The following PLEKHA5 variants were observed in gnomAD, a reference collection of about 807,000 sequenced individuals.
PLEKHA5 encodes pleckstrin homology domain-containing family A member 5.
Under a neutral mutation model 181.9 loss-of-function variants are expected in PLEKHA5, and 55 were observed. The observed-to-expected ratio is 0.30, with a 90% CI of 0.24 to 0.38. PLEKHA5 has a LOEUF of 0.38. PLEKHA5 is among the 10% of genes least tolerant of loss of function. The pLI, the probability that PLEKHA5 is intolerant of heterozygous loss-of-function variation, is 1.00. For missense variants in PLEKHA5, 1,432 were observed against 1,549.5 expected (o/e 0.92, Z 1.27); for synonymous variants, 535 against 529.4 (o/e 1.01, Z -0.15).
chr12:19,309,454 A>G (rs377477443), intron 15 of PLEKHA5, among the ~76,000 whole-genome samples: 1 of 152,044 alleles, frequency 6.6e-6, no homozygotes, highest in Non-Finnish European at 1.5e-5. Flanking sequence ...TGACCTTCAT[A>G]TGCTTTTAAA....
At chr12:19,133,650 G>A (rs983065577) in intron 3 of PLEKHA5, among the ~76,000 whole-genome samples, 3 of 151,844 alleles carry the variant, frequency 2.0e-5, no homozygotes, top group African/African-American at 4.8e-5. Flanking sequence ...TAGATAAAAC[G>A]TCAAGGGCTT....
chr12:19,310,466 T>C (rs2086054117), intron 15 of PLEKHA5, among the ~76,000 whole-genome samples: 1 of 151,804 alleles, frequency 6.6e-6, no homozygotes, highest in African/African-American at 2.4e-5. Flanking sequence ...AAAAATTAGC[T>C]GAGTGTGGTG....
chr12:19,271,530 C>A (rs1036177487), intron 10 of PLEKHA5, among the ~76,000 whole-genome samples: 1 of 152,002 alleles, frequency 6.6e-6, no homozygotes, highest in Non-Finnish European at 1.5e-5. Context: ...AACTTCAATA[C>A]TTTTAACTTC....
intron 3 of PLEKHA5, among the ~76,000 whole-genome samples, chr12:19,193,312 A>G (rs1216527380): frequency 6.6e-6 from 1 of 152,216 alleles, no homozygotes; most frequent in Non-Finnish European, 1.5e-5. Context: ...AAGATAATTT[A>G]TGAGCTTTCA....
intron 15 of PLEKHA5, chr12:19,306,429 G>A (rs1723170637): frequency 1.7e-6 from 1 of 583,694 alleles, no homozygotes; most frequent in African/African-American, 1.9e-5. Context: ...GACGGCGACT[G>A]GAGCAGCAGA....
At chr12:19,132,140 T>C (rs1051329472) in intron 2 of PLEKHA5, among the ~76,000 whole-genome samples, 22 of 152,184 alleles carry the variant, frequency 1.4e-4, no homozygotes, top group African/African-American at 5.3e-4. Context: ...ATAGTTCCTC[T>C]CCACCCTAAT....
At chr12:19,363,289 C>G (rs1334472914) in intron 29 of PLEKHA5, among the ~76,000 whole-genome samples, 1 of 150,536 alleles carries the variant, frequency 6.6e-6, no homozygotes, top group African/African-American at 2.4e-5. Context: ...GTAGCTCAGA[C>G]TACAGGCGCG....
intron 3 of PLEKHA5, among the ~76,000 whole-genome samples, chr12:19,244,212 G>A (rs1439482254): frequency 6.6e-6 from 1 of 151,224 alleles, no homozygotes; most frequent in Non-Finnish European, 1.5e-5. Context: ...TTCTATTGAT[G>A]AAATCTCTTC....
At chr12:19,338,338 G>A (rs538566456) in intron 21 of PLEKHA5, among the ~76,000 whole-genome samples, 8 of 152,098 alleles carry the variant, frequency 5.3e-5, no homozygotes, top group African/African-American at 7.2e-5. Context: ...TTCTGGGATC[G>A]GCTGGACACA....
chr12:19,223,875 A>T lies in PLEKHA5; in HGVS notation c.228-30065A>T, dbSNP rs114773965. Among the ~76,000 whole-genome samples the T allele has an allele frequency of 2.7e-3, 407 of 152,292 alleles. 3 individuals are homozygous for T. The highest frequency in any genetic ancestry group is 9.2e-3 in the African/African-American group (384 of 41,562). On this transcript the variant is annotated intron_variant, in intron 3 of 31. Coordinates refer to ENST00000429027, the MANE Select transcript of PLEKHA5 (RefSeq NM_001256470.2). The stretch of plus-strand genomic sequence containing the variant: ...ACTCCAAAGTTGTTTGGCTTCCAGG[A>T]TAGCCAGGGATCTTGTTTCTTATTT...
chr12:19,251,807 T>TA (rs2065401054), intron 3 of PLEKHA5, among the ~76,000 whole-genome samples: 2 of 121,730 alleles, frequency 1.6e-5, no homozygotes, highest in Non-Finnish European at 3.5e-5. Context: ...GATAAAAACA[T>TA]ACAATTTGTA....
intron 3 of PLEKHA5, among the ~76,000 whole-genome samples, chr12:19,146,426 T>G (rs2038929913): frequency 1.3e-5 from 2 of 152,222 alleles, no homozygotes; most frequent in Admixed American, 1.3e-4. Flanking sequence ...GTATTTTTGA[T>G]ATCTAGGCCA....
intron 16 of PLEKHA5, among the ~76,000 whole-genome samples, chr12:19,315,893 C>T (rs904621029): frequency 6.6e-6 from 1 of 152,070 alleles, no homozygotes; most frequent in East Asian, 1.9e-4. Flanking sequence ...TATATTTCAG[C>T]ACAGTTTTCA....
At chr12:19,182,340 T>A (rs1326459117) in intron 3 of PLEKHA5, among the ~76,000 whole-genome samples, 1 of 152,206 alleles carries the variant, frequency 6.6e-6, no homozygotes, top group Non-Finnish European at 1.5e-5. Flanking sequence ...TTTGATGTTT[T>A]GATTGTGCTG....
At chr12:19,136,535 T>A (rs999542859) in intron 3 of PLEKHA5, among the ~76,000 whole-genome samples, 1 of 152,202 alleles carries the variant, frequency 6.6e-6, no homozygotes, top group African/African-American at 2.4e-5. Flanking sequence ...TATTGCTTAA[T>A]GATTCTGTAA....
In PLEKHA5 at chr12:19,265,730, G is replaced by C. The variant is rs1227844203; in HGVS notation, c.611-20G>C. 1 of 1,292,174 alleles carries C rather than the reference G, an allele frequency of 7.7e-7. No homozygotes were observed. The highest frequency in any genetic ancestry group is 1.5e-5 in the African/African-American group (1 of 67,632). The allele number at this position is 1,292,174 out of a possible 1,614,324, so 80.0% of individuals were successfully genotyped here. ...ATAAGAACATTTAAAATTCTAATCA[G>C]ATGTTAAATTATCTCTTAGATGAGA... is the stretch of plus-strand genomic sequence containing the variant. On this transcript the variant is annotated intron_variant, in intron 7 of 31. Coordinates refer to ENST00000429027, the MANE Select transcript of PLEKHA5 (RefSeq NM_001256470.2).
At chr12:19,200,354 G>A (rs1387758534) in intron 3 of PLEKHA5, 3 of 1,527,816 alleles carry the variant, frequency 2.0e-6, no homozygotes, top group African/African-American at 2.8e-5. Context: ...ATTCTTCCTG[G>A]GAATAGAAGA....
intron 3 of PLEKHA5, among the ~76,000 whole-genome samples, chr12:19,177,756 A>G (rs1157507130): frequency 1.3e-5 from 2 of 152,134 alleles, no homozygotes; most frequent in African/African-American, 2.4e-5. Flanking sequence ...CTATGTATTT[A>G]TTTACTTCAA....
intron 3 of PLEKHA5, chr12:19,205,372 T>C (rs537518521): frequency 3.0e-6 from 3 of 984,828 alleles, no homozygotes; most frequent in Non-Finnish European, 3.6e-6. Context: ...TCAGGAAGCA[T>C]GTAATTTGTC....
Sources: gnomAD v4.1 joint callset for allele counts (sites outside exome capture counted in the v4.1 genomes callset) on GRCh38, gnomAD v4.1.1 for gene constraint, MANE v1.5 for transcripts, NCBI Gene and HGNC (gene_info 2026-07-23, HGNC 2026-07-21) for gene names.